The following PRKG1 variants were observed in gnomAD, a reference collection of about 807,000 sequenced individuals.
PRKG1 encodes protein kinase cGMP-dependent 1, also known as cGMP-dependent protein kinase 1.
Under a neutral mutation model 88.1 loss-of-function variants are expected in PRKG1, and 35 were observed. The observed-to-expected ratio is 0.40, with a 90% CI of 0.30 to 0.53. PRKG1 has a LOEUF of 0.53. Ranked by LOEUF, PRKG1 falls within the 20% of genes least tolerant of loss-of-function variation. The probability of loss-of-function intolerance (pLI) is 0.59; values close to 1 mark genes in which losing one functional copy is unlikely to be tolerated. For synonymous variants in PRKG1, 303 were observed against 292.5 expected (o/e 1.04, Z -0.37); for missense variants, 540 against 839.8 (o/e 0.64, Z 4.41).
intron 2 of PRKG1, among the ~76,000 whole-genome samples, chr10:51,231,221 T>A (rs890104952): frequency 2.0e-5 from 3 of 152,206 alleles, no homozygotes; most frequent in Non-Finnish European, 4.4e-5. Context: ...CTGGTTACTT[T>A]CTTACTAAAG....
rs181992493 is a variant in PRKG1, at chr10:51,242,258, G to A, written c.478+88928G>A. 5.1e-3 allele frequency among the ~76,000 whole-genome samples: 779 copies of A among 152,244 alleles called. 3 individuals carry two copies. The highest frequency in any genetic ancestry group is 7.6e-3 in the Non-Finnish European group (520 of 68,012). On this transcript the variant is annotated intron_variant, in intron 2 of 17. Transcript: ENST00000373980. ...CAAAGGGAGAAAATGCCAAAGATGA[G>A]AAAAGTTTATAAGTATGTTCAGAAC... is the stretch of plus-strand genomic sequence containing the variant.
chr10:51,130,955 T>C (rs1311024736), intron 1 of PRKG1, among the ~76,000 whole-genome samples: 2 of 152,084 alleles, frequency 1.3e-5, no homozygotes, highest in Non-Finnish European at 2.9e-5. Flanking sequence ...TAAATAGTGA[T>C]TAAACTGGAC....
intron 5 of PRKG1, among the ~76,000 whole-genome samples, chr10:51,948,881 C>T (rs553926440): frequency 2.6e-5 from 4 of 152,110 alleles, no homozygotes; most frequent in Non-Finnish European, 5.9e-5. Context: ...TTCTTTAAAA[C>T]ATTGATTCAA....
At chr10:51,081,444 G>C (rs1347496953) in intron 1 of PRKG1, among the ~76,000 whole-genome samples, 1 of 152,206 alleles carries the variant, frequency 6.6e-6, no homozygotes, top group Non-Finnish European at 1.5e-5. Flanking sequence ...AGAGTATATC[G>C]AAGGCTTGCC....
rs904767634 is a variant in PRKG1 at position 51,675,733 on chromosome 10, A to T, written c.593-128852A>T. 2.6e-5 allele frequency among the ~76,000 whole-genome samples: 4 copies of T among 152,200 alleles called. No individual in the cohort carries two copies. In the South Asian group the frequency reaches 8.3e-4, roughly 31 times the overall value. Reference sequence around the variant, plus strand: ...TTTGCTAATTTGGATACATTTAAAAATTTTAAAGTTGTTTTTCCTGGGGCC... The same window carrying T: ...TTTGCTAATTTGGATACATTTAAAATTTTTAAAGTTGTTTTTCCTGGGGCC... On this transcript the variant is annotated intron_variant, in intron 3 of 17. Coordinates refer to ENST00000373980, the MANE Select transcript of PRKG1 (RefSeq NM_006258.4).
chr10:51,418,003 T>G (rs940382744), intron 2 of PRKG1, among the ~76,000 whole-genome samples: 1 of 152,210 alleles, frequency 6.6e-6, no homozygotes, highest in Non-Finnish European at 1.5e-5. Flanking sequence ...AAAGCAGTTG[T>G]GTTTGCCTTT....
chr10:51,824,288 A>C (rs1302604228), intron 4 of PRKG1, among the ~76,000 whole-genome samples: 2 of 152,152 alleles, frequency 1.3e-5, no homozygotes, highest in East Asian at 3.9e-4. Flanking sequence ...AGACATTGCA[A>C]ACCACATTTC....
At chr10:51,224,674 A>G (rs1051655141) in intron 2 of PRKG1, among the ~76,000 whole-genome samples, 1 of 152,172 alleles carries the variant, frequency 6.6e-6, no homozygotes, top group Non-Finnish European at 1.5e-5. Flanking sequence ...TTTTTCTCCT[A>G]CAGAGCGTCC....
intron 3 of PRKG1, among the ~76,000 whole-genome samples, chr10:51,670,114 G>GAAGT (rs1285474723): frequency 7.2e-5 from 11 of 152,040 alleles, no homozygotes; most frequent in Admixed American, 1.3e-4. Context: ...TCATAATTAT[G>GAAGT]AAGTAACTCT....
intron 2 of PRKG1, among the ~76,000 whole-genome samples, chr10:51,187,806 CTT>C (rs1166861447): frequency 6.6e-6 from 1 of 151,988 alleles, no homozygotes. Flanking sequence ...ATTCTCTCCT[CTT>C]TTATGAAAAG....
intron 4 of PRKG1, among the ~76,000 whole-genome samples, chr10:51,846,682 C>T (rs925304457): frequency 1.3e-5 from 2 of 152,072 alleles, no homozygotes; most frequent in Admixed American, 6.6e-5. Context: ...ATGTCAATGC[C>T]GGTGCCCACT....
At chr10:51,670,012 ATTCT>A (rs944254011) in intron 3 of PRKG1, among the ~76,000 whole-genome samples, 2 of 152,244 alleles carry the variant, frequency 1.3e-5, no homozygotes, top group South Asian at 4.1e-4. Context: ...TTTGCCTATG[ATTCT>A]TTGTTTTTAG....
intron 2 of PRKG1, among the ~76,000 whole-genome samples, chr10:51,465,567 C>A (rs1462857138): frequency 1.3e-5 from 2 of 152,066 alleles, no homozygotes; most frequent in Admixed American, 6.5e-5. Context: ...AAATGTTGGC[C>A]AGACATAGAC....
chr10:52,047,679 T>A (rs529415770), intron 5 of PRKG1, among the ~76,000 whole-genome samples: 3 of 152,206 alleles, frequency 2.0e-5, no homozygotes, highest in African/African-American at 7.2e-5. Flanking sequence ...ACTAGCATGG[T>A]TTTTGATTAA....
At chr10:51,304,990 A>G (rs1440407047) in intron 2 of PRKG1, among the ~76,000 whole-genome samples, 4 of 152,190 alleles carry the variant, frequency 2.6e-5, no homozygotes, top group East Asian at 3.9e-4. Context: ...CATTCTTTCT[A>G]TGTGCTGCTA....
intron 9 of PRKG1, among the ~76,000 whole-genome samples, chr10:52,175,789 T>A (rs1838848663): frequency 6.6e-6 from 1 of 152,178 alleles, no homozygotes; most frequent in Non-Finnish European, 1.5e-5. Context: ...CATTTGTATG[T>A]CTTCTGTTGA....
chr10:51,042,869 TC>T (rs1843443007), intron 1 of PRKG1, among the ~76,000 whole-genome samples: 1 of 152,010 alleles, frequency 6.6e-6, no homozygotes, highest in African/African-American at 2.4e-5. Context: ...ATAAAAGAGA[TC>T]CCAGAGAATT....
At chr10:51,720,128 C>T (rs1344855027) in intron 3 of PRKG1, among the ~76,000 whole-genome samples, 1 of 152,130 alleles carries the variant, frequency 6.6e-6, no homozygotes, top group African/African-American at 2.4e-5. Flanking sequence ...TTCGAAAATA[C>T]AGATATAGTC....
chr10:51,703,277 A>C (rs1226667147), intron 3 of PRKG1, among the ~76,000 whole-genome samples: 1 of 152,186 alleles, frequency 6.6e-6, no homozygotes, highest in Non-Finnish European at 1.5e-5. Flanking sequence ...GAAAAGATTC[A>C]CTATTGATTC....
Sources: allele counts gnomAD v4.1 joint callset (sites outside exome capture counted in the v4.1 genomes callset), GRCh38; gene constraint gnomAD v4.1.1; transcripts MANE v1.5; gene names NCBI Gene and HGNC (gene_info 2026-07-23, HGNC 2026-07-21).